Variants in LAMA2 observed in about 807,000 individuals in gnomAD.
The protein encoded by LAMA2 is laminin subunit alpha-2.
LAMA2 carries 269 observed loss-of-function variants against 364.8 expected under a neutral mutation model. The ratio of observed to expected loss-of-function variants is 0.74; its 90% CI spans 0.67 to 0.82. LAMA2 has a LOEUF of 0.82. Among genes scored for constraint, LAMA2 ranks in the 40% least tolerant of loss-of-function variants. The pLI is 0.00. For synonymous variants in LAMA2, 1,379 were observed against 1,370.6 expected, an observed-to-expected ratio of 1.01 and a Z score of -0.14; for missense variants, 3,807 against 3,873.2, an observed-to-expected ratio of 0.98 and a Z score of 0.45.
rs906977071 is a variant in LAMA2, at chr6:129,471,613, A to T, written c.7301-1601A>T. ...ACCTTTGCCGATCTAGATAAAAAGG[A>T]ATGTATATGAAAAAGTCTTGAAAAC... is the stretch of plus-strand genomic sequence containing the variant. On this transcript the variant is annotated intron_variant, in intron 51 of 64. Coordinates refer to ENST00000421865, the MANE Select transcript of LAMA2 (RefSeq NM_000426.4). 3.9e-5 allele frequency among the ~76,000 whole-genome samples: 6 copies of T among 151,904 alleles called. No homozygotes were observed. In the Admixed American group the frequency reaches 3.9e-4, roughly 10 times the overall value.
intron 1 of LAMA2, among the ~76,000 whole-genome samples, chr6:128,899,723 T>G (rs111550255): frequency 0.024 from 3,601 of 152,260 alleles, 129 homozygotes; most frequent in African/African-American, 0.083. Flanking sequence ...ACCTAGATAA[T>G]AGATAAAATA....
chr6:129,312,120 A>G (rs1031313019), intron 22 of LAMA2, among the ~76,000 whole-genome samples: 1 of 151,222 alleles, frequency 6.6e-6, no homozygotes, highest in Non-Finnish European at 1.5e-5. Flanking sequence ...TATGTTCCCA[A>G]ACTGAAAGAA....
chr6:129,173,139 G>A (rs1302484052), intron 9 of LAMA2, among the ~76,000 whole-genome samples: 1 of 152,198 alleles, frequency 6.6e-6, no homozygotes, highest in Non-Finnish European at 1.5e-5. Context: ...CTTCTGCGTC[G>A]CTCACGCTGG....
chr6:128,920,058 T>C (rs1778592942), intron 1 of LAMA2, among the ~76,000 whole-genome samples: 1 of 152,216 alleles, frequency 6.6e-6, no homozygotes, highest in Non-Finnish European at 1.5e-5. Context: ...AATATATCAC[T>C]GTCTCTTTCA....
intron 34 of LAMA2, among the ~76,000 whole-genome samples, chr6:129,382,050 C>T (rs551216628): frequency 6.6e-5 from 10 of 152,256 alleles, no homozygotes; most frequent in Admixed American, 2.0e-4. Flanking sequence ...AATCCACTTA[C>T]GTATATTTTA....
intron 33 of LAMA2, among the ~76,000 whole-genome samples, chr6:129,369,150 A>G (rs1416034504): frequency 6.6e-6 from 1 of 152,180 alleles, no homozygotes; most frequent in Non-Finnish European, 1.5e-5. Flanking sequence ...GGATAAAGCT[A>G]TGATTAATAA....
chr6:129,058,200 T>C (rs1031438473), intron 2 of LAMA2, among the ~76,000 whole-genome samples: 3 of 152,304 alleles, frequency 2.0e-5, no homozygotes, highest in African/African-American at 7.2e-5. Context: ...AAAAAGACCT[T>C]ATATTACTTG....
chr6:128,937,667 T>A (rs1451318140), intron 1 of LAMA2, among the ~76,000 whole-genome samples: 1 of 152,038 alleles, frequency 6.6e-6, no homozygotes, highest in Non-Finnish European at 1.5e-5. Flanking sequence ...TTTTATTTAG[T>A]TGAATCCTCA....
chr6:129,217,694 C>G (rs1172247351), intron 12 of LAMA2, among the ~76,000 whole-genome samples: 2 of 151,982 alleles, frequency 1.3e-5, no homozygotes, highest in Non-Finnish European at 1.5e-5. Context: ...CTATCTTAAA[C>G]CATAAGACCT....
At chr6:129,114,794 A>G (rs1032395019) in intron 4 of LAMA2, among the ~76,000 whole-genome samples, 2 of 152,038 alleles carry the variant, frequency 1.3e-5, no homozygotes, top group African/African-American at 4.8e-5. Flanking sequence ...ATAAACATAT[A>G]TGTATGGTCT....
intron 4 of LAMA2, among the ~76,000 whole-genome samples, chr6:129,106,841 A>G (rs1775852674): frequency 6.8e-6 from 1 of 146,490 alleles, no homozygotes; most frequent in African/African-American, 2.6e-5. Context: ...TTGATCAGTT[A>G]CTAGACTCCC....
At chr6:129,454,123 A>T (rs376342562) in intron 46 of LAMA2, 32 bp from the exon 47 acceptor site, 2 of 1,602,122 alleles carry the variant, frequency 1.2e-6, no homozygotes, top group Admixed American at 3.3e-5. Flanking sequence ...TTTATATCTG[A>T]TATCTCTTGT....
intron 4 of LAMA2, among the ~76,000 whole-genome samples, chr6:129,119,697 G>A (rs977470603): frequency 5.9e-5 from 9 of 152,002 alleles, no homozygotes; most frequent in African/African-American, 1.9e-4. Flanking sequence ...ACAGGCGCCC[G>A]CCACCACGCC....
chr6:129,148,674 A>G (rs1778624700), intron 6 of LAMA2, among the ~76,000 whole-genome samples: 1 of 152,072 alleles, frequency 6.6e-6, no homozygotes, highest in South Asian at 2.1e-4. Flanking sequence ...CCCCCAAAAA[A>G]CACATAGATC....
chr6:129,224,632 A>G (rs1004287591), intron 12 of LAMA2, among the ~76,000 whole-genome samples: 25 of 152,318 alleles, frequency 1.6e-4, no homozygotes, highest in African/African-American at 5.5e-4. Flanking sequence ...ATGCTGGATT[A>G]CGTTTATTGA....
intron 32 of LAMA2, among the ~76,000 whole-genome samples, chr6:129,364,923 G>C (rs769002279): frequency 5.3e-5 from 8 of 152,208 alleles, no homozygotes; most frequent in Non-Finnish European, 8.8e-5. Context: ...GGCAGAGCAG[G>C]AGGAAGTGGG....
chr6:128,901,898 T>G (rs1428420449), intron 1 of LAMA2, among the ~76,000 whole-genome samples: 1 of 152,218 alleles, frequency 6.6e-6, no homozygotes, highest in African/African-American at 2.4e-5. Flanking sequence ...ATGCCAAGTG[T>G]ATTAGTCTGT....
intron 49 of LAMA2, among the ~76,000 whole-genome samples, chr6:129,463,906 A>C (rs550756454): frequency 1.3e-5 from 2 of 152,084 alleles, no homozygotes; most frequent in East Asian, 3.9e-4. Context: ...TTGGAAGGCA[A>C]ATATTCAGAG....
Position 129,342,430 on chromosome 6 carries a change from C to A in LAMA2, c.4399C>A (p.Gln1467Lys). 6.2e-7 allele frequency: 1 copy of A among 1,613,446 alleles called. No homozygotes were observed. Among genetic ancestry groups the A allele is most frequent in the Non-Finnish European group, 8.5e-7 (1 of 1,179,512 alleles). ...GIVKGLPNDC[Q>K]QCACPLISSS... Reference sequence around the variant, plus strand: ...TGTCAAGGGATTGCCAAATGACTGTCAGCAATGTGCCTGCCCTCTGATTTC... The same window carrying A: ...TGTCAAGGGATTGCCAAATGACTGTAAGCAATGTGCCTGCCCTCTGATTTC... The change falls in exon 30 of 65, where the codon CAG becomes AAG. Residue 1467 changes from glutamine (Q) to lysine (K), a missense_variant. Coordinates refer to ENST00000421865, the MANE Select transcript of LAMA2 (RefSeq NM_000426.4).
Sources: allele counts gnomAD v4.1 joint callset (sites outside exome capture counted in the v4.1 genomes callset), GRCh38; gene constraint gnomAD v4.1.1; transcripts MANE v1.5; gene names NCBI Gene and HGNC (gene_info 2026-07-23, HGNC 2026-07-21).